ATP7B: variants seen among roughly 807,000 people sequenced by gnomAD.
The protein encoded by ATP7B is ATPase copper transporting beta, also known as copper-transporting ATPase 2.
ATP7B carries 113 observed loss-of-function variants against 118.9 expected under a neutral mutation model. The observed-to-expected ratio is 0.95, with a 90% CI of 0.82 to 1.11. The LOEUF (loss-of-function observed/expected upper bound fraction) is 1.11, where lower values mean the gene tolerates loss of function less well. Ranked by LOEUF, ATP7B falls within the 50% of genes most tolerant of loss-of-function variation. The probability of loss-of-function intolerance (pLI) is 0.00; values close to 1 mark genes in which losing one functional copy is unlikely to be tolerated. For synonymous variants in ATP7B, 777 were observed against 727.4 expected (o/e 1.07, Z -1.10); for missense variants, 1,867 against 1,871.4 (o/e 1.00, Z 0.04).
intron 2 of ATP7B, among the ~76,000 whole-genome samples, chr13:51,972,094 CAT>C (rs1566587013): frequency 6.6e-6 from 1 of 152,190 alleles, no homozygotes; most frequent in African/African-American, 2.4e-5. Context: ...CCCCTCACAA[CAT>C]GTGCCCCTTC....
At chr13:51,944,628 A>G (rs1861464110) in intron 13 of ATP7B, among the ~76,000 whole-genome samples, 1 of 152,200 alleles carries the variant, frequency 6.6e-6, no homozygotes. Context: ...GTCAGGAGTC[A>G]GGACCCTGAG....
chr13:52,000,971 G>A (rs1953466841), intron 1 of ATP7B, among the ~76,000 whole-genome samples: 1 of 152,190 alleles, frequency 6.6e-6, no homozygotes, highest in African/African-American at 2.4e-5. Flanking sequence ...AGCGATCTGT[G>A]ATTGGACCAC....
At chr13:51,993,957 C>A (rs11620583) in intron 1 of ATP7B, among the ~76,000 whole-genome samples, 62,701 of 151,966 alleles carry the variant, frequency 0.41, 14,719 homozygotes, top group East Asian at 0.53. Context: ...CCCCACTAGT[C>A]ACAGATTGGT....
At chr13:51,964,753 A>G (rs149646865) in intron 5 of ATP7B, 119 bp downstream of exon 5, 1 of 1,254,278 alleles carries the variant, frequency 8.0e-7, no homozygotes, top group African/African-American at 1.5e-5. Flanking sequence ...TTCCATGGGA[A>G]AAGTTGAAGA....
rs1172550388 is a variant in ATP7B, at chr13:51,957,560, T to C, written c.2403A>G (p.Thr801=). The C allele has an allele frequency of 1.9e-6, 3 of 1,614,100 alleles. No homozygotes were observed. Among genetic ancestry groups the C allele is most frequent in the South Asian group, 1.1e-5 (1 of 91,092 alleles). Reference sequence around the variant, plus strand: ...CACCAAGGGTCACAACGGTGGCTTCTGTGGCTTGGAGAGACATGAGTTTAG... The same window carrying C: ...CACCAAGGGTCACAACGGTGGCTTCCGTGGCTTGGAGAGACATGAGTTTAG... ...ALAKLMSLQA[T]EATVVTLGED... is the part of the protein sequence containing the mutation. The change falls in exon 9 of 21, where the codon ACA becomes ACG. Residue 801 remains threonine, a synonymous_variant. Transcript: ENST00000242839.
At chr13:51,952,395 C>T (rs1254501000) in intron 9 of ATP7B, among the ~76,000 whole-genome samples, 2 of 152,236 alleles carry the variant, frequency 1.3e-5, no homozygotes, top group African/African-American at 4.8e-5. Context: ...TATTTTACAC[C>T]TTGCTTTCAT....
At chr13:51,945,763 G>A (rs563770735) in intron 13 of ATP7B, among the ~76,000 whole-genome samples, 1 of 152,242 alleles carries the variant, frequency 6.6e-6, no homozygotes, top group South Asian at 2.1e-4. Context: ...CACGCAGTGA[G>A]TGCCCAGCAA....
chr13:51,963,838 T>C (rs146601645), intron 5 of ATP7B, among the ~76,000 whole-genome samples: 1,707 of 149,418 alleles, frequency 0.011, 44 homozygotes, highest in African/African-American at 0.041. Context: ...TCACCTAAGG[T>C]GTCAGGAGTT....
intron 8 of ATP7B, chr13:51,957,919 T>A (rs1958462796): frequency 6.5e-6 from 3 of 461,888 alleles, no homozygotes; most frequent in African/African-American, 2.0e-5. Context: ...CTGAGTTCCA[T>A]TCTCTTGTAA....
At chr13:51,938,293 T>G (rs1204307148) in intron 17 of ATP7B, among the ~76,000 whole-genome samples, 1 of 152,218 alleles carries the variant, frequency 6.6e-6, no homozygotes, top group Non-Finnish European at 1.5e-5. Flanking sequence ...TCCACCTTCC[T>G]GCAAGACCAT....
chr13:51,949,582 C>G, intron 12 of ATP7B, 80 bp downstream of exon 12: 1 of 1,571,204 alleles, frequency 6.4e-7, no homozygotes, highest in South Asian at 1.1e-5. Context: ...CCCAGTGAAT[C>G]TAAGATATGA....
chr13:51,962,332 T>G (rs1200622712), intron 5 of ATP7B, among the ~76,000 whole-genome samples: 1 of 152,222 alleles, frequency 6.6e-6, no homozygotes, highest in Non-Finnish European at 1.5e-5. Flanking sequence ...CCAGGCTTCT[T>G]GCCACTGCGG....
In ATP7B at chr13:51,935,625, C is replaced by A. The variant is rs771057142; in HGVS notation, c.4092G>T (p.Val1364=). ...GCTGCAGGGATGAGAGCACCACAGA[C>A]ACAGAGGAGGCTGCCATGGCCGCTG... ...MGSAAMAASS[V]SVVLSSLQLK... is the part of the protein sequence containing the mutation. The change falls in exon 20 of 21, where the codon GTG becomes GTT. Residue 1364 remains valine (V), a synonymous_variant. Transcript: ENST00000242839. 4 of 1,613,640 alleles carry A rather than the reference C, an allele frequency of 2.5e-6. No homozygotes were observed. Among genetic ancestry groups the A allele is most frequent in the Admixed American group, 1.7e-5 (1 of 59,990 alleles).
intron 1 of ATP7B, among the ~76,000 whole-genome samples, chr13:52,006,944 T>C (rs1953800806): frequency 6.6e-6 from 1 of 152,128 alleles, no homozygotes; most frequent in Non-Finnish European, 1.5e-5. Flanking sequence ...CCAGCATGCA[T>C]CCAGCACAGG....
intron 2 of ATP7B, 107 bp from the exon 3 acceptor site, chr13:51,970,856 C>G: frequency 9.2e-7 from 1 of 1,085,020 alleles, no homozygotes; most frequent in Non-Finnish European, 1.3e-6. Flanking sequence ...CCGGCTCCCA[C>G]CGAGCAGCCT....
Position 51,937,151 on chromosome 13 carries a change from A to C in ATP7B, c.4021+125T>G, listed in dbSNP as rs1957015227. 7.2e-6 allele frequency: 6 copies of C among 830,832 alleles called. 1 individual carries two copies. In the South Asian group the frequency reaches 7.8e-5, roughly 11 times the overall value. 51.5% of individuals were successfully genotyped at this position (830,832 alleles called of 1,614,324 possible). A position where few individuals can be genotyped will look rare whatever the true frequency, so the allele number is the denominator to read the frequency against. ...AAGCAGGGGACATGAAAAAAAAAAA[A>C]AAACAGCCTTTCTAAAACGCCTCTA... On this transcript the variant is annotated intron_variant, in intron 19 of 20. Transcript: ENST00000242839.
intron 1 of ATP7B, among the ~76,000 whole-genome samples, chr13:51,990,812 T>C (rs948492023): frequency 1.3e-5 from 2 of 152,244 alleles, no homozygotes; most frequent in Non-Finnish European, 2.9e-5. Context: ...GAACCCACCC[T>C]GGCACAATGG....
At chr13:51,946,590 G>T in intron 12 of ATP7B, 112 bp from the exon 13 acceptor site, 1 of 1,272,716 alleles carries the variant, frequency 7.9e-7, no homozygotes. Context: ...TGACGAACTT[G>T]GGTTCCGGAA....
chr13:51,946,155 C>G, intron 13 of ATP7B, 129 bp downstream of exon 13: 1 of 1,278,658 alleles, frequency 7.8e-7, no homozygotes, highest in East Asian at 2.6e-5. Flanking sequence ...CCCAGTTATA[C>G]TTGACTTCCT....
Sources: gnomAD v4.1 joint callset for allele counts (sites outside exome capture counted in the v4.1 genomes callset) on GRCh38, gnomAD v4.1.1 for gene constraint, MANE v1.5 for transcripts, NCBI Gene and HGNC (gene_info 2026-07-23, HGNC 2026-07-21) for gene names.